The following EGLN1 variants were observed in gnomAD, a reference collection of about 807,000 sequenced individuals.
EGLN1 encodes egl-9 family hypoxia inducible factor 1, also known as egl nine homolog 1.
A neutral mutation model predicts 38.3 loss-of-function variants in EGLN1; 17 were observed. The ratio of observed to expected loss-of-function variants is 0.44; its 90% CI spans 0.30 to 0.67. EGLN1 has a LOEUF of 0.67. Among genes scored for constraint, EGLN1 ranks in the 30% least tolerant of loss-of-function variants. The probability of loss-of-function intolerance (pLI) is 0.08; values close to 1 mark genes in which losing one functional copy is unlikely to be tolerated. For synonymous variants in EGLN1, 283 were observed against 257.5 expected, an observed-to-expected ratio of 1.10 and a Z score of -0.95; for missense variants, 477 against 603.3, an observed-to-expected ratio of 0.79 and a Z score of 2.19.
In EGLN1 at chr1:231,408,920, A is replaced by G. The variant is rs539929274; in HGVS notation, c.891+12078T>C. Among the ~76,000 whole-genome samples, 3 of 152,256 alleles carry G rather than the reference A, an allele frequency of 2.0e-5. No individual in the cohort carries two copies. The South Asian group carries it at 6.2e-4, about 32-fold the overall frequency. ...TGAAGGTAGGTTCAGGGACCTGCAA[A>G]CAGGTTCCTGTGGCTGGAACAGAAA... is the stretch of plus-strand genomic sequence containing the variant. On this transcript the variant is annotated intron_variant, in intron 1 of 4. Transcript: ENST00000366641.
intron 1 of EGLN1, among the ~76,000 whole-genome samples, chr1:231,395,973 T>G (rs888132188): frequency 1.3e-5 from 2 of 150,756 alleles, no homozygotes; most frequent in African/African-American, 4.9e-5. Flanking sequence ...GCTTTCTGAC[T>G]TTGCTCCCAC....
At chr1:231,369,461 G>C in intron 3 of EGLN1, 1 of 456,800 alleles carries the variant, frequency 2.2e-6, no homozygotes, top group Non-Finnish European at 2.9e-6. Flanking sequence ...GCAGCAGGGG[G>C]CAGAGACAGC....
rs747914994 is a variant in EGLN1 at position 231,421,227 on chromosome 1, T to C, written c.662A>G (p.Gln221Arg). The C allele has an allele frequency of 1.9e-6, 3 of 1,614,040 alleles. No individual in the cohort carries two copies. Among genetic ancestry groups the C allele is most frequent in the Non-Finnish European group, 2.5e-6 (3 of 1,180,028 alleles). Reference protein sequence around the residue: ...DDFLGKETGQQIGDEVRALHD... With the variant: ...DDFLGKETGQRIGDEVRALHD... Reference sequence around the variant, plus strand: ...CAGGGCGCGCACCTCGTCGCCGATCTGCTGTCCGGTCTCCTTGCCGAGGAA... The same window carrying C: ...CAGGGCGCGCACCTCGTCGCCGATCCGCTGTCCGGTCTCCTTGCCGAGGAA... The change falls in exon 1 of 5, where the codon CAG becomes CGG. Residue 221 changes from glutamine to arginine, a missense_variant. Physicochemically the swap from Gln to Arg is conservative, Grantham distance 43. Coordinates refer to ENST00000366641, the MANE Select transcript of EGLN1 (RefSeq NM_022051.3). This position sits in a 1 kb window ranked among gnomAD's most constrained non-coding sequence, Gnocchi z 5.5.
chr1:231,416,167 A>T (rs968452406), intron 1 of EGLN1, among the ~76,000 whole-genome samples: 4 of 149,466 alleles, frequency 2.7e-5, no homozygotes, highest in African/African-American at 9.8e-5. Context: ...TTTCTTAATA[A>T]TTTTTTTTTT....
intron 1 of EGLN1, among the ~76,000 whole-genome samples, chr1:231,397,268 T>C (rs1401698358): frequency 6.6e-6 from 1 of 152,252 alleles, no homozygotes; most frequent in Non-Finnish European, 1.5e-5. Context: ...TATATTCTAT[T>C]CCTTGGGTGG....
In EGLN1 at chr1:231,373,654, C is replaced by G. The variant is rs140514060; in HGVS notation, c.1011+326G>C. Among the ~76,000 whole-genome samples the G allele has an allele frequency of 4.9e-3, 743 of 150,756 alleles. 5 individuals carry two copies. The highest frequency in any genetic ancestry group is 0.017 in the African/African-American group (712 of 40,718). On this transcript the variant is annotated intron_variant, in intron 2 of 4. Coordinates refer to ENST00000366641, the MANE Select transcript of EGLN1 (RefSeq NM_022051.3). ...TCCATCACCTCTCAAAGTTCCGTTT[C>G]CCTTCCCCTAACCTCGTGTGTGCGT...
chr1:231,389,496 TGGA>T (rs1278023233), intron 1 of EGLN1, among the ~76,000 whole-genome samples: 1 of 152,206 alleles, frequency 6.6e-6, no homozygotes. Context: ...AGGTTTAGCC[TGGA>T]GAAGACACAT....
At chr1:231,392,983 T>C (rs773708116) in intron 1 of EGLN1, among the ~76,000 whole-genome samples, 1 of 152,152 alleles carries the variant, frequency 6.6e-6, no homozygotes, top group African/African-American at 2.4e-5. Flanking sequence ...TGGCCAGAAG[T>C]TGGTTCAGAA....
chr1:231,382,074 T>G (rs1180778759), intron 1 of EGLN1, among the ~76,000 whole-genome samples: 1 of 152,212 alleles, frequency 6.6e-6, no homozygotes, highest in East Asian at 1.9e-4. Flanking sequence ...AGTCTGCAAT[T>G]CGGCATTAAA....
At chr1:231,387,360 ATTTT>A (rs1464252140) in intron 1 of EGLN1, among the ~76,000 whole-genome samples, 2 of 135,904 alleles carry the variant, frequency 1.5e-5, no homozygotes. Flanking sequence ...TATTTTTTTA[ATTTT>A]TTTTTTTTTT....
chr1:231,392,357 AT>A (rs1688415421), intron 1 of EGLN1, among the ~76,000 whole-genome samples: 1 of 152,200 alleles, frequency 6.6e-6, no homozygotes, highest in Admixed American at 6.5e-5. Context: ...TAAGAACTTA[AT>A]TTTAAAAATT....
intron 2 of EGLN1, among the ~76,000 whole-genome samples, chr1:231,372,381 G>A (rs779786939): frequency 1.1e-4 from 16 of 152,130 alleles, no homozygotes; most frequent in African/African-American, 1.7e-4. Context: ...CACTAGGGAC[G>A]TTTCTCTGCC....
At chr1:231,397,362 C>T (rs1305791892) in intron 1 of EGLN1, among the ~76,000 whole-genome samples, 35 of 152,210 alleles carry the variant, frequency 2.3e-4, no homozygotes, top group Admixed American at 2.0e-3. Context: ...AGTAAAATTA[C>T]GTTCAAGGAA....
chr1:231,397,911 A>C (rs1001064986), intron 1 of EGLN1, among the ~76,000 whole-genome samples: 2 of 152,196 alleles, frequency 1.3e-5, no homozygotes, highest in African/African-American at 4.8e-5. Flanking sequence ...ACTACTACAC[A>C]GAGGTCAAAG....
Position 231,421,912 on chromosome 1 carries a change from C to T in EGLN1, c.-24G>A. On this transcript the variant is annotated 5_prime_UTR_variant, in exon 1 of 5. Transcript: ENST00000366641. The surrounding 1 kb of genome is among the most constrained non-coding windows in gnomAD (Gnocchi z 5.5). ...ATGGCGGCGGCGGCGGCGGCGACGG[C>T]GACTGCGGCGGCCGAGCAGGAGGGG... 2.2e-6 allele frequency: 3 copies of T among 1,384,354 alleles called. No individual in the cohort carries two copies. Among genetic ancestry groups the T allele is most frequent in the South Asian group, 3.3e-5 (2 of 60,780 alleles). 85.8% of individuals were successfully genotyped at this position (1,384,354 alleles called of 1,614,324 possible).
intron 1 of EGLN1, among the ~76,000 whole-genome samples, chr1:231,403,767 C>CAAAAA (rs1167705317): frequency 1.1e-3 from 20 of 18,284 alleles, no homozygotes; most frequent in East Asian, 2.0e-3. Context: ...GACTCCATCT[C>CAAAAA]AAAAAAAAAA....
chr1:231,418,204 G>C (rs1310945191), intron 1 of EGLN1, among the ~76,000 whole-genome samples: 1 of 152,114 alleles, frequency 6.6e-6, no homozygotes, highest in Non-Finnish European at 1.5e-5. Flanking sequence ...GCATAATTCA[G>C]GTGGATAAAT....
intron 1 of EGLN1, among the ~76,000 whole-genome samples, chr1:231,402,552 A>G (rs1688689094): frequency 6.6e-6 from 1 of 150,692 alleles, no homozygotes; most frequent in South Asian, 2.1e-4. Context: ...CTCCTGCTTC[A>G]CCCTCCCGAG....
chr1:231,374,855 G>C (rs1306046360), intron 1 of EGLN1, among the ~76,000 whole-genome samples: 1 of 151,926 alleles, frequency 6.6e-6, no homozygotes, highest in Non-Finnish European at 1.5e-5. Flanking sequence ...AAAATTATTT[G>C]CTCAGATTAT....
Sources: allele counts gnomAD v4.1 joint callset (sites outside exome capture counted in the v4.1 genomes callset), GRCh38; gene constraint gnomAD v4.1.1; non-coding constraint Gnocchi (gnomAD v3.1); transcripts MANE v1.5; gene names NCBI Gene and HGNC (gene_info 2026-07-23, HGNC 2026-07-21).